Variants in CTNNA3 observed in about 807,000 individuals in gnomAD.
The protein encoded by CTNNA3 is catenin alpha 3.
A neutral mutation model predicts 95.7 loss-of-function variants in CTNNA3; 76 were observed. That is an observed-to-expected ratio of 0.79 (90% CI 0.66 to 0.96). CTNNA3 has a LOEUF of 0.96. Among genes scored for constraint, CTNNA3 ranks in the 40% least tolerant of loss-of-function variants. CTNNA3 has a pLI of 0.00. For synonymous variants in CTNNA3, 431 were observed against 374.4 expected, an observed-to-expected ratio of 1.15 and a Z score of -1.74; for missense variants, 1,191 against 1,089.8, an observed-to-expected ratio of 1.09 and a Z score of -1.31.
Position 67,219,634 on chromosome 10 carries a change from G to T in CTNNA3, c.816C>A (p.Thr272=). 1 of 1,613,846 alleles carries T rather than the reference G, an allele frequency of 6.2e-7. No homozygotes were observed. Among genetic ancestry groups the T allele is most frequent in the South Asian group, 1.1e-5 (1 of 91,024 alleles). The change falls in exon 6 of 18, where the codon ACC becomes ACA. Residue 272 remains threonine, a synonymous_variant. Coordinates refer to ENST00000433211, the MANE Select transcript of CTNNA3 (RefSeq NM_013266.4). ...MTTPPEPQAA[T]LGSALDELEN... is the part of the protein sequence containing the mutation. The stretch of plus-strand genomic sequence containing the variant: ...CCAGCTCATCAAGGGCACTTCCCAG[G>T]GTTGCTGCCTGAGGTTCTGGTGGGG...
At chr10:66,260,001 A>C (rs2090940007) in intron 13 of CTNNA3, among the ~76,000 whole-genome samples, 1 of 152,094 alleles carries the variant, frequency 6.6e-6, no homozygotes, top group African/African-American at 2.4e-5. Context: ...ATACCCCAAA[A>C]TACATGCTTC....
chr10:67,729,069 T>G (rs1841259882), intron 1 of CTNNA3, among the ~76,000 whole-genome samples: 1 of 152,166 alleles, frequency 6.6e-6, no homozygotes, highest in African/African-American at 2.4e-5. Flanking sequence ...TAAATTACAC[T>G]TTTAATTTTT....
intron 17 of CTNNA3, among the ~76,000 whole-genome samples, chr10:65,939,399 G>A (rs2077393862): frequency 6.6e-6 from 1 of 151,984 alleles, no homozygotes; most frequent in African/African-American, 2.4e-5. Flanking sequence ...TTTTCCTCTA[G>A]GTCCTCCACA....
At chr10:66,246,309 A>G (rs774580599) in intron 13 of CTNNA3, among the ~76,000 whole-genome samples, 2 of 151,626 alleles carry the variant, frequency 1.3e-5, no homozygotes, top group African/African-American at 2.4e-5. Context: ...GGCAGCCACA[A>G]CTGCGCCCAG....
At chr10:66,214,369 A>C (rs2088373757) in intron 13 of CTNNA3, among the ~76,000 whole-genome samples, 1 of 152,210 alleles carries the variant, frequency 6.6e-6, no homozygotes, top group South Asian at 2.1e-4. Flanking sequence ...AATTTTTCAC[A>C]AGACAGACAA....
chr10:66,948,704 A>C (rs865844652), intron 7 of CTNNA3, among the ~76,000 whole-genome samples: 2 of 152,222 alleles, frequency 1.3e-5, no homozygotes, highest in Admixed American at 6.5e-5. Context: ...CAATCACACC[A>C]ACTGATGAAA....
intron 15 of CTNNA3, 86 bp downstream of exon 15, chr10:66,069,222 G>A: frequency 7.4e-7 from 1 of 1,344,698 alleles, no homozygotes; most frequent in Non-Finnish European, 1.1e-6. Context: ...TTTGGCACTT[G>A]ACACTCAGAG....
chr10:66,256,548 C>T (rs1048540627), intron 13 of CTNNA3, among the ~76,000 whole-genome samples: 1 of 151,902 alleles, frequency 6.6e-6, no homozygotes, highest in Non-Finnish European at 1.5e-5. Flanking sequence ...GGAGAAACCC[C>T]GTCTCTACTA....
chr10:67,103,685 T>C (rs1454010419), intron 7 of CTNNA3, among the ~76,000 whole-genome samples: 2 of 151,780 alleles, frequency 1.3e-5, no homozygotes, highest in African/African-American at 4.8e-5. Flanking sequence ...ACCCCCATCA[T>C]AGCACATTTT....
chr10:67,453,085 T>C (rs768040844), intron 5 of CTNNA3, among the ~76,000 whole-genome samples: 1 of 152,036 alleles, frequency 6.6e-6, no homozygotes, highest in South Asian at 2.1e-4. Context: ...CAGCCAGTTA[T>C]GTAGGAGCAC....
chr10:66,367,871 AATAATAATAATT>A (rs61639528), intron 12 of CTNNA3, among the ~76,000 whole-genome samples: 211 of 58,652 alleles, frequency 3.6e-3, no homozygotes, highest in African/African-American at 9.7e-3. Flanking sequence ...TAATAATAAT[AATAATAATAATT>A]ATTATTATTA....
chr10:66,335,924 C>A (rs1200906881), intron 12 of CTNNA3, among the ~76,000 whole-genome samples: 2 of 152,122 alleles, frequency 1.3e-5, no homozygotes. Flanking sequence ...CAAGCCTGGG[C>A]AATGGCGGGG....
At chr10:67,672,457 C>T (rs1258511333) in intron 1 of CTNNA3, among the ~76,000 whole-genome samples, 19 of 151,992 alleles carry the variant, frequency 1.3e-4, no homozygotes, top group Middle Eastern at 3.4e-3. Flanking sequence ...TGAATGGTAT[C>T]GCCTAGGTTT....
chr10:66,763,670 T>C (rs1357515836), intron 9 of CTNNA3, among the ~76,000 whole-genome samples: 1 of 152,204 alleles, frequency 6.6e-6, no homozygotes, highest in Non-Finnish European at 1.5e-5. Context: ...GTCTCTGTAA[T>C]TGGTTTGACC....
chr10:67,436,491 G>C (rs1012523861), intron 5 of CTNNA3, among the ~76,000 whole-genome samples: 5 of 152,086 alleles, frequency 3.3e-5, no homozygotes, highest in South Asian at 2.1e-4. Flanking sequence ...TCAGACTAAA[G>C]AGCTTCTGCA....
chr10:67,683,624 T>G (rs1840669663), intron 1 of CTNNA3, among the ~76,000 whole-genome samples: 4 of 152,252 alleles, frequency 2.6e-5, no homozygotes, highest in Admixed American at 2.0e-4. Flanking sequence ...TCTGCCTTCA[T>G]GCATATAGGT....
intron 5 of CTNNA3, among the ~76,000 whole-genome samples, chr10:67,431,167 T>G (rs568833129): frequency 6.6e-6 from 1 of 152,112 alleles, no homozygotes; most frequent in East Asian, 1.9e-4. Context: ...TAATGGACTA[T>G]ATTAATTTTT....
chr10:66,945,920 G>C (rs1213776246), intron 7 of CTNNA3, among the ~76,000 whole-genome samples: 1 of 152,098 alleles, frequency 6.6e-6, no homozygotes, highest in African/African-American at 2.4e-5. Flanking sequence ...AGATTCTATG[G>C]TTGTAGTTTG....
intron 15 of CTNNA3, among the ~76,000 whole-genome samples, chr10:66,005,322 C>T (rs575592210): frequency 6.6e-6 from 1 of 152,288 alleles, no homozygotes; most frequent in African/African-American, 2.4e-5. Flanking sequence ...TCAGAATCAG[C>T]TCCTATGATG....
Sources: allele counts gnomAD v4.1 joint callset (sites outside exome capture counted in the v4.1 genomes callset), GRCh38; gene constraint gnomAD v4.1.1; transcripts MANE v1.5; gene names NCBI Gene and HGNC (gene_info 2026-07-23, HGNC 2026-07-21).